The following PATJ variants were observed in gnomAD, a reference collection of about 807,000 sequenced individuals.
PATJ encodes inaD-like protein.
A neutral mutation model predicts 224.9 loss-of-function variants in PATJ; 190 were observed. The observed-to-expected ratio is 0.84, with a 90% CI of 0.75 to 0.95. The LOEUF is 0.95. Among genes scored for constraint, PATJ ranks in the 40% least tolerant of loss-of-function variants. The pLI is 0.00. For synonymous variants in PATJ, 769 were observed against 820.3 expected (o/e 0.94, Z 1.07); for missense variants, 2,121 against 2,270.3 (o/e 0.93, Z 1.34).
chr1:62,127,016 C>T (rs565401007), intron 39 of PATJ, among the ~76,000 whole-genome samples: 31 of 152,058 alleles, frequency 2.0e-4, no homozygotes, highest in African/African-American at 7.5e-4. Flanking sequence ...GCCTAAATAA[C>T]AAACAGAGAG....
At chr1:61,915,422 C>G (rs1266440294) in intron 26 of PATJ, among the ~76,000 whole-genome samples, 1 of 152,084 alleles carries the variant, frequency 6.6e-6, no homozygotes, top group Non-Finnish European at 1.5e-5. Flanking sequence ...ATCTTTTTTC[C>G]TGATAGAGCA....
At chr1:61,880,133 C>T (rs1667896338) in intron 21 of PATJ, among the ~76,000 whole-genome samples, 1 of 152,202 alleles carries the variant, frequency 6.6e-6, no homozygotes, top group Admixed American at 6.5e-5. Context: ...CAGCTACTCA[C>T]CTGTTTCTTT....
chr1:61,847,755 A>T (rs1662193293), intron 17 of PATJ, among the ~76,000 whole-genome samples: 1 of 152,180 alleles, frequency 6.6e-6, no homozygotes, highest in African/African-American at 2.4e-5. Context: ...TCAAATCAGA[A>T]GACAGTCTTT....
At chr1:61,814,408 G>T (rs568545079) in intron 14 of PATJ, among the ~76,000 whole-genome samples, 2 of 152,144 alleles carry the variant, frequency 1.3e-5, no homozygotes, top group South Asian at 4.1e-4. Context: ...CTCCCAAAGT[G>T]CTGGGATTAC....
chr1:61,864,681 G>A (rs2275859), intron 20 of PATJ, 48 bp downstream of exon 20: 118,203 of 1,501,130 alleles, frequency 0.079, 5,063 homozygotes, highest in African/African-American at 0.12. Flanking sequence ...TGCTCTCCTC[G>A]CCTGTCCCTG....
At chr1:61,889,586 T>C (rs2149100464) in intron 22 of PATJ, among the ~76,000 whole-genome samples, 1 of 152,252 alleles carries the variant, frequency 6.6e-6, no homozygotes, top group South Asian at 2.1e-4. Flanking sequence ...TTAACAACAA[T>C]AACTGGTAAT....
intron 27 of PATJ, among the ~76,000 whole-genome samples, chr1:61,989,891 A>G (rs1644965890): frequency 1.3e-5 from 2 of 152,262 alleles, no homozygotes; most frequent in South Asian, 4.1e-4. Flanking sequence ...ACTATTATAG[A>G]GCTTGGCACA....
chr1:61,847,349 T>C (rs114106696), intron 17 of PATJ, among the ~76,000 whole-genome samples: 1 of 152,248 alleles, frequency 6.6e-6, no homozygotes, highest in African/African-American at 2.4e-5. Flanking sequence ...CTTTGTCCAC[T>C]TCTCTTCCAT....
In PATJ at chr1:61,990,252, G is replaced by T; in HGVS notation, c.3755G>T (p.Ser1252Ile). Residue 1252 changes from serine to isoleucine, a missense_variant, in exon 28 of 44, where the codon AGC becomes ATC. By Grantham distance (142) the Ser-to-Ile change is moderately radical (BLOSUM62 -2). Transcript: ENST00000642238. Reference sequence around the variant, plus strand: ...AAAGATAAGAATGGACTTGGACTCAGCCTTGCTGGTAATAAAGACCGATCA... The same window carrying T: ...AAAGATAAGAATGGACTTGGACTCATCCTTGCTGGTAATAAAGACCGATCA... The part of the protein sequence containing the change: ...LEKDKNGLGL[S>I]LAGNKDRSRM... 6.2e-7 allele frequency: 1 copy of T among 1,614,016 alleles called. No homozygotes were observed. Among genetic ancestry groups the T allele is most frequent in the Non-Finnish European group, 8.5e-7 (1 of 1,179,926 alleles).
At chr1:61,799,591 C>T (rs1221522527) in intron 11 of PATJ, among the ~76,000 whole-genome samples, 1 of 152,050 alleles carries the variant, frequency 6.6e-6, no homozygotes, top group Non-Finnish European at 1.5e-5. Context: ...GATAAATGTG[C>T]ATGTTTGTTA....
At chr1:61,947,077 A>G (rs1678847324) in intron 27 of PATJ, among the ~76,000 whole-genome samples, 1 of 152,176 alleles carries the variant, frequency 6.6e-6, no homozygotes, top group Admixed American at 6.5e-5. Context: ...TCAAAATAAT[A>G]AGAGCTATTT....
At chr1:62,033,813 T>G (rs989951900) in intron 29 of PATJ, among the ~76,000 whole-genome samples, 5 of 152,164 alleles carry the variant, frequency 3.3e-5, no homozygotes, top group Non-Finnish European at 7.3e-5. Context: ...TCACTTTTGT[T>G]CAACAGACAT....
At chr1:61,767,681 T>TTC (rs1646360868) in intron 4 of PATJ, among the ~76,000 whole-genome samples, 2 of 148,940 alleles carry the variant, frequency 1.3e-5, no homozygotes, top group Non-Finnish European at 1.5e-5. Context: ...TTCTTTTCTT[T>TTC]TTTTTTTTTT....
chr1:61,969,315 G>T (rs1267154729), intron 27 of PATJ, among the ~76,000 whole-genome samples: 3 of 152,060 alleles, frequency 2.0e-5, no homozygotes, highest in African/African-American at 7.3e-5. Flanking sequence ...TTCCATAGGG[G>T]TTATATACCA....
chr1:61,993,265 C>T lies in PATJ; in HGVS notation c.3867+2901C>T, dbSNP rs961465332. ...AGTCATAAAGGAAGTTACGAAGATA[C>T]AGGTGAACAACCAGATGAAGAGATA... On this transcript the variant is annotated intron_variant, in intron 28 of 43. Coordinates refer to ENST00000642238, the MANE Select transcript of PATJ (RefSeq NM_001350145.3). Among the ~76,000 whole-genome samples, 3 of 152,162 alleles carry T rather than the reference C, an allele frequency of 2.0e-5. 1 individual carries two copies. Among genetic ancestry groups the T allele is most frequent in the Admixed American group, 2.0e-4 (3 of 15,266 alleles).
rs116626360 is a variant in PATJ at position 61,759,095 on chromosome 1, A to T, written c.-35-3763A>T. Among the ~76,000 whole-genome samples the T allele has an allele frequency of 6.4e-3, 975 of 152,330 alleles. 13 individuals are homozygous for T. The highest frequency in any genetic ancestry group is 0.022 in the African/African-American group (909 of 41,582). ...ACAAACCTTTATCATGTTTGCTAGG[A>T]AGTCAGCTGTCATGCAGGGAATCCC... On this transcript the variant is annotated intron_variant, in intron 1 of 43. Coordinates refer to ENST00000642238, the MANE Select transcript of PATJ (RefSeq NM_001350145.3).
intron 27 of PATJ, among the ~76,000 whole-genome samples, chr1:61,934,513 T>C (rs553866968): frequency 1.1e-3 from 168 of 152,332 alleles, no homozygotes; most frequent in African/African-American, 3.8e-3. Flanking sequence ...CCCAACTCTT[T>C]GAATGCATTC....
intron 41 of PATJ, among the ~76,000 whole-genome samples, chr1:62,143,752 G>A (rs896271386): frequency 2.0e-5 from 3 of 152,182 alleles, no homozygotes; most frequent in East Asian, 3.9e-4. Context: ...GCTGGCCTAA[G>A]CTGGGATTGT....
chr1:61,885,906 T>G (rs1668757543), intron 22 of PATJ, among the ~76,000 whole-genome samples: 1 of 151,062 alleles, frequency 6.6e-6, no homozygotes, highest in South Asian at 2.1e-4. Flanking sequence ...AAATCATCGT[T>G]CTCAGTAAAC....
Sources: allele counts gnomAD v4.1 joint callset (sites outside exome capture counted in the v4.1 genomes callset), GRCh38; gene constraint gnomAD v4.1.1; transcripts MANE v1.5; gene names NCBI Gene and HGNC (gene_info 2026-07-23, HGNC 2026-07-21).